The following SHISA6 variants were observed in gnomAD, a reference collection of about 807,000 sequenced individuals.
The protein encoded by SHISA6 is shisa family member 6, also known as protein shisa-6.
Under a neutral mutation model 47.9 loss-of-function variants are expected in SHISA6, and 22 were observed. The observed-to-expected ratio is 0.46, with a 90% CI of 0.33 to 0.66. The LOEUF (loss-of-function observed/expected upper bound fraction) is 0.66, where lower values mean the gene tolerates loss of function less well. SHISA6 is among the 30% of genes least tolerant of loss of function. SHISA6 has a pLI of 0.02. For missense variants in SHISA6, 680 were observed against 764.6 expected, an observed-to-expected ratio of 0.89 and a Z score of 1.30; for synonymous variants, 388 against 337.8, an observed-to-expected ratio of 1.15 and a Z score of -1.63.
intron 2 of SHISA6, among the ~76,000 whole-genome samples, chr17:11,316,669 C>G (rs924542108): frequency 3.9e-5 from 6 of 152,044 alleles, no homozygotes; most frequent in Non-Finnish European, 5.9e-5. Flanking sequence ...ACTCGCCCAC[C>G]TCGGCCTCCC....
chr17:11,498,676 A>G (rs2071427141), intron 3 of SHISA6, among the ~76,000 whole-genome samples: 1 of 152,192 alleles, frequency 6.6e-6, no homozygotes, highest in East Asian at 1.9e-4. Context: ...AATAATAAAA[A>G]GAAGGGAAGT....
chr17:11,425,148 A>G (rs925620781), intron 3 of SHISA6, among the ~76,000 whole-genome samples: 1 of 152,080 alleles, frequency 6.6e-6, no homozygotes, highest in Admixed American at 6.6e-5. Context: ...AAAGAAATAT[A>G]TCTACATCAA....
chr17:11,352,198 A>G (rs761479581), intron 2 of SHISA6, among the ~76,000 whole-genome samples: 4 of 152,080 alleles, frequency 2.6e-5, no homozygotes, highest in Non-Finnish European at 5.9e-5. Context: ...TGGAATATGT[A>G]ATTTTACATG....
intron 2 of SHISA6, among the ~76,000 whole-genome samples, chr17:11,341,476 T>C (rs1911527711): frequency 6.6e-6 from 1 of 151,812 alleles, no homozygotes; most frequent in African/African-American, 2.4e-5. Flanking sequence ...GTGGGATTAC[T>C]GGTGTGCACT....
chr17:11,343,221 A>G (rs35429604), intron 2 of SHISA6, among the ~76,000 whole-genome samples: 32,565 of 152,168 alleles, frequency 0.21, 3,884 homozygotes, highest in African/African-American at 0.3. Flanking sequence ...GAAGGAGAGA[A>G]GAGCTGCCAA....
chr17:11,523,815 G>C (rs774122658), intron 3 of SHISA6, among the ~76,000 whole-genome samples: 6 of 152,096 alleles, frequency 3.9e-5, no homozygotes, highest in Non-Finnish European at 8.8e-5. Flanking sequence ...AGACCAGCCT[G>C]ACCGACATGG....
chr17:11,370,521 C>T (rs58029790), intron 2 of SHISA6, among the ~76,000 whole-genome samples: 72,167 of 151,954 alleles, frequency 0.47, 17,352 homozygotes, highest in Middle Eastern at 0.57. Flanking sequence ...TTAGTTGAAT[C>T]GAAAGAGGTT....
intron 1 of SHISA6, among the ~76,000 whole-genome samples, chr17:11,261,622 T>G (rs1249823502): frequency 6.6e-6 from 1 of 152,270 alleles, no homozygotes; most frequent in Non-Finnish European, 1.5e-5. Context: ...TCCATCCATG[T>G]GATAGCAGGT....
intron 1 of SHISA6, among the ~76,000 whole-genome samples, chr17:11,251,507 G>A (rs11870383): frequency 0.11 from 15,994 of 152,158 alleles, 954 homozygotes; most frequent in East Asian, 0.18. Flanking sequence ...GAGCTTGGGT[G>A]AGGGGCACAG....
At chr17:11,303,091 T>C (rs1383447797) in intron 2 of SHISA6, among the ~76,000 whole-genome samples, 4 of 152,152 alleles carry the variant, frequency 2.6e-5, no homozygotes, top group Non-Finnish European at 5.9e-5. Flanking sequence ...TGTGCTTGTA[T>C]GATTGTGTGA....
At chr17:11,540,744 A>G (rs1319474528) in intron 3 of SHISA6, among the ~76,000 whole-genome samples, 2 of 152,222 alleles carry the variant, frequency 1.3e-5, no homozygotes, top group East Asian at 1.9e-4. Context: ...TGCATGGTAA[A>G]TGTCTGAGAG....
intron 3 of SHISA6, among the ~76,000 whole-genome samples, chr17:11,517,349 C>T (rs72809048): frequency 3.9e-3 from 595 of 152,264 alleles, no homozygotes; most frequent in Non-Finnish European, 6.7e-3. Context: ...AGTAAATTGG[C>T]ACTTTACATA....
At chr17:11,543,910 CA>C (rs200573876) in intron 3 of SHISA6, among the ~76,000 whole-genome samples, 45,396 of 96,088 alleles carry the variant, frequency 0.47, 6,439 homozygotes, top group East Asian at 0.56. Flanking sequence ...TATTTATAAG[CA>C]AAAAAAAAAA....
chr17:11,326,736 G>A (rs1319239285), intron 2 of SHISA6, among the ~76,000 whole-genome samples: 1 of 152,182 alleles, frequency 6.6e-6, no homozygotes, highest in Non-Finnish European at 1.5e-5. Context: ...TCTGTCCTTG[G>A]AGGCATAGAT....
chr17:11,261,133 G>A (rs1310012337), intron 1 of SHISA6, among the ~76,000 whole-genome samples: 2 of 152,046 alleles, frequency 1.3e-5, no homozygotes, highest in Non-Finnish European at 2.9e-5. Flanking sequence ...ACCAATGGAG[G>A]GAGGGGGAGG....
chr17:11,486,190 C>T (rs1207482518), intron 3 of SHISA6, among the ~76,000 whole-genome samples: 1 of 152,170 alleles, frequency 6.6e-6, no homozygotes, highest in Non-Finnish European at 1.5e-5. Context: ...GTGATTTCTT[C>T]CACGTGGCGC....
intron 3 of SHISA6, among the ~76,000 whole-genome samples, chr17:11,532,702 A>G (rs2071746013): frequency 6.7e-6 from 1 of 148,942 alleles, no homozygotes; most frequent in South Asian, 2.1e-4. Flanking sequence ...CAAGCCTCCC[A>G]AAGCAGGAGC....
At chr17:11,275,818 A>C (rs1412719730) in intron 2 of SHISA6, among the ~76,000 whole-genome samples, 3 of 152,146 alleles carry the variant, frequency 2.0e-5, no homozygotes, top group African/African-American at 7.2e-5. Context: ...TAAGGGCTAG[A>C]AGTCAGAGAT....
chr17:11,356,496 A>G (rs1277381854), intron 2 of SHISA6, among the ~76,000 whole-genome samples: 1 of 152,186 alleles, frequency 6.6e-6, no homozygotes, highest in African/African-American at 2.4e-5. Flanking sequence ...TTCACACCCA[A>G]GGAGATGAGG....
Sources: gnomAD v4.1 joint callset for allele counts (sites outside exome capture counted in the v4.1 genomes callset) on GRCh38, gnomAD v4.1.1 for gene constraint, MANE v1.5 for transcripts, NCBI Gene and HGNC (gene_info 2026-07-23, HGNC 2026-07-21) for gene names.